Variants in SBF1 observed in about 807,000 individuals in gnomAD.
SBF1 encodes the protein SET binding factor 1.
SBF1 carries 65 observed loss-of-function variants against 215.8 expected under a neutral mutation model. The observed-to-expected ratio is 0.30, with a 90% CI of 0.25 to 0.37. The LOEUF is 0.37. Among genes scored for constraint, SBF1 ranks in the 10% least tolerant of loss-of-function variants. The pLI is 1.00. For synonymous variants in SBF1, 1,410 were observed against 1,122.8 expected, an observed-to-expected ratio of 1.26 and a Z score of -5.11; for missense variants, 2,634 against 2,667.8, an observed-to-expected ratio of 0.99 and a Z score of 0.28.
At position 50,460,051 on chromosome 22, in the gene SBF1, T is replaced by C; in HGVS notation, c.3392A>G (p.Gln1131Arg). ...LVERACCRDYQRLGLGTLSSS... is the reference protein window; with the variant it reads ...LVERACCRDYRRLGLGTLSSS... ...GCTCAGGGTGCCCAGACCGAGGCGC[T>C]GGTAGTCGCGACAGCAAGCCCTTTC... The change falls in exon 26 of 41, where the codon CAG becomes CGG. Residue 1131 changes from glutamine to arginine, a missense_variant. Transcript: ENST00000380817. The C allele has an allele frequency of 6.2e-7, 1 of 1,613,968 alleles. No homozygotes were observed. The highest frequency in any genetic ancestry group is 8.5e-7 in the Non-Finnish European group (1 of 1,179,966).
At position 50,460,681 on chromosome 22, in the gene SBF1, C is replaced by G. The variant is rs757426688; in HGVS notation, c.2999G>C (p.Gly1000Ala). The G allele has an allele frequency of 1.2e-6, 2 of 1,613,692 alleles. No homozygotes were observed. Among genetic ancestry groups the G allele is most frequent in the Middle Eastern group, 3.4e-4 (2 of 5,874 alleles). The part of the protein sequence containing the change: ...LLKMAFDEEV[G>A]SDSAELFRKQ... ...ACGGAAGAGCTCGGCGCTGTCAGAC[C>G]CCACCTCCTCGTCAAAGGCCATTTT... The change falls in exon 24 of 41, where the codon GGG becomes GCG. Residue 1000 changes from glycine (G) to alanine (A), a missense_variant. Coordinates refer to ENST00000380817, the MANE Select transcript of SBF1 (RefSeq NM_002972.4).
At chr22:50,453,022 C>G (rs2067109297) in intron 36 of SBF1, among the ~76,000 whole-genome samples, 1 of 151,740 alleles carries the variant, frequency 6.6e-6, no homozygotes, top group African/African-American at 2.4e-5. Flanking sequence ...AAAGAGAAAA[C>G]AAAGAGCAAG....
In SBF1 at chr22:50,460,423, A is replaced by T. The variant is rs770615760; in HGVS notation, c.3147-15T>A. 2 of 1,605,820 alleles carry T rather than the reference A, an allele frequency of 1.2e-6. No homozygotes were observed. The highest frequency in any genetic ancestry group is 1.1e-5 in the South Asian group (1 of 90,286). ...GGGACAGGGTTCTGAGGCCCACGAG[A>T]GTCAGCAAAGGTGAGAGGAGGAGGG... On this transcript the variant is annotated splice_polypyrimidine_tract_variant and intron_variant, in intron 24 of 40. Transcript: ENST00000380817.
In SBF1 at chr22:50,462,446, C is replaced by A. The variant is rs1439977513; in HGVS notation, c.2155G>T (p.Asp719Tyr). Residue 719 changes from aspartate (D) to tyrosine (Y), a missense_variant, in exon 19 of 41, where the codon GAC becomes TAC. Coordinates refer to ENST00000380817, the MANE Select transcript of SBF1 (RefSeq NM_002972.4). Reference sequence around the variant, plus strand: ...GCCACGTCTAGGGCAGAGCGCTCGTCCTCCTGGGAAGGTGCCTCCCCAACC... The same window carrying A: ...GCCACGTCTAGGGCAGAGCGCTCGTACTCCTGGGAAGGTGCCTCCCCAACC... ...QEVGEAPSQE[D>Y]ERSALDVASE... The A allele has an allele frequency of 6.2e-7, 1 of 1,613,898 alleles. No individual in the cohort carries two copies. Among genetic ancestry groups the A allele is most frequent in the Non-Finnish European group, 8.5e-7 (1 of 1,179,970 alleles).
intron 23 of SBF1, 102 bp downstream of exon 23, chr22:50,461,057 C>T: frequency 7.0e-7 from 1 of 1,429,584 alleles, no homozygotes; most frequent in Non-Finnish European, 9.3e-7. Flanking sequence ...AACAGGGCCA[C>T]TGCTGGAGAC....
In SBF1 at chr22:50,466,530, G is replaced by A. The variant is rs893611200; in HGVS notation, c.656-48C>T. The A allele has an allele frequency of 3.9e-6, 6 of 1,530,088 alleles. No individual in the cohort carries two copies. In the African/African-American group the frequency reaches 4.1e-5, roughly 11 times the overall value. 94.8% of individuals were successfully genotyped at this position (1,530,088 alleles called of 1,614,324 possible). A position where few individuals can be genotyped will look rare whatever the true frequency, so the allele number is the denominator to read the frequency against. On this transcript the variant is annotated intron_variant, in intron 6 of 40. Coordinates refer to ENST00000380817, the MANE Select transcript of SBF1 (RefSeq NM_002972.4). Reference sequence around the variant, plus strand: ...GAGAGGACCCTGGGCCCCCACCCAGGCAGAGTGAGAACCCACATCCCTAAC... The same window carrying A: ...GAGAGGACCCTGGGCCCCCACCCAGACAGAGTGAGAACCCACATCCCTAAC...
chr22:50,464,693 C>A lies in SBF1; in HGVS notation c.1477G>T (p.Gly493Cys), dbSNP rs373993266. The stretch of plus-strand genomic sequence containing the variant: ...ACCCGTCGCAGGTGGCTGCTCTCAC[C>A]GGGCCTCTGTACCTTGTGCATCGCC... ...AVAMHKVQRP[G>C]ESSHLRRVPR... Residue 493 changes from glycine (G) to cysteine (C), a missense_variant, in exon 14 of 41, where the codon GGT (glycine) becomes TGT (cysteine). By Grantham distance (159) the Gly-to-Cys change is radical. Coordinates refer to ENST00000380817, the MANE Select transcript of SBF1 (RefSeq NM_002972.4). The A allele has an allele frequency of 1.2e-6, 2 of 1,607,468 alleles. No individual in the cohort carries two copies. The highest frequency in any genetic ancestry group is 1.3e-5 in the African/African-American group (1 of 74,942).
chr22:50,464,922 C>A lies in SBF1; in HGVS notation c.1333-5G>T. The A allele has an allele frequency of 6.2e-7, 1 of 1,613,466 alleles. No individual in the cohort carries two copies. The highest frequency in any genetic ancestry group is 8.5e-7 in the Non-Finnish European group (1 of 1,179,902). ...TGCCACCTCGTGGGCCACCAGCTAG[C>A]GGGGTAAGCAGGAGGTTAGGTAAGC... is the stretch of plus-strand genomic sequence containing the variant. On this transcript the variant is annotated splice_region_variant and splice_polypyrimidine_tract_variant and intron_variant, in intron 12 of 40. Transcript: ENST00000380817.
Position 50,448,221 on chromosome 22 carries a change from G to C in SBF1, c.5363+12C>G. On this transcript the variant is annotated intron_variant, in intron 38 of 40. Coordinates refer to ENST00000380817, the MANE Select transcript of SBF1 (RefSeq NM_002972.4). Reference sequence around the variant, plus strand: ...AGAGGTGTCCATGTGGCAGTGGGAGGTGCCCTCATACCTGTTCTCACTCTC... The same window carrying C: ...AGAGGTGTCCATGTGGCAGTGGGAGCTGCCCTCATACCTGTTCTCACTCTC... The C allele has an allele frequency of 6.2e-7, 1 of 1,609,372 alleles. No homozygotes were observed. Among genetic ancestry groups the C allele is most frequent in the Non-Finnish European group, 8.5e-7 (1 of 1,178,926 alleles).
rs543362681 is a variant in SBF1, at chr22:50,456,874, C to T, written c.3904+160G>A. Among the ~76,000 whole-genome samples, 12 of 152,264 alleles carry T rather than the reference C, an allele frequency of 7.9e-5. No homozygotes were observed. In the South Asian group the frequency reaches 2.5e-3, roughly 32 times the overall value. On this transcript the variant is annotated intron_variant, in intron 29 of 40. Transcript: ENST00000380817. ...TGGCAGCCAGTGTTAGTTTCTAGGG[C>T]AGGACTCACGGGTCAGGGAGGTAAG...
At chr22:50,463,677 G>A (rs190641961) in intron 15 of SBF1, among the ~76,000 whole-genome samples, 3 of 152,384 alleles carry the variant, frequency 2.0e-5, no homozygotes, top group Non-Finnish European at 4.4e-5. Context: ...AGGGAGGTGC[G>A]CTCCGGAGGG....
chr22:50,449,114 G>A (rs1031060731), intron 36 of SBF1, among the ~76,000 whole-genome samples: 3 of 151,980 alleles, frequency 2.0e-5, no homozygotes, highest in Non-Finnish European at 4.4e-5. Context: ...GGAGGTTGCG[G>A]TGAGCCGAGA....
rs773921429 is a variant in SBF1, at chr22:50,474,798, G to A, written c.43C>T (p.Pro15Ser). ...CCTCGGCACTCACCGCGCGGGTGCG[G>A]CCCGAACGCCACCAGCACGAAGTAG... ...ADYFVLVAFGPHPRGSGEGQG... is the reference protein window; with the variant it reads ...ADYFVLVAFGSHPRGSGEGQG... The change falls in exon 1 of 41, where the codon CCG becomes TCG. Residue 15 changes from proline to serine, a missense_variant. Pro to Ser is a moderately conservative substitution (Grantham distance 74). Coordinates refer to ENST00000380817, the MANE Select transcript of SBF1 (RefSeq NM_002972.4). The A allele has an allele frequency of 3.4e-6, 5 of 1,459,690 alleles. No individual in the cohort carries two copies. The highest frequency in any genetic ancestry group is 3.6e-6 in the Non-Finnish European group (4 of 1,110,054). 90.4% of individuals were successfully genotyped at this position (1,459,690 alleles called of 1,614,324 possible). A position where few individuals can be genotyped will look rare whatever the true frequency, so the allele number is the denominator to read the frequency against.
Position 50,464,546 on chromosome 22 carries a change from C to T in SBF1, c.1624G>A (p.Gly542Arg). 1.9e-6 allele frequency: 3 copies of T among 1,610,770 alleles called. No homozygotes were observed. Among genetic ancestry groups the T allele is most frequent in the Non-Finnish European group, 2.5e-6 (3 of 1,178,706 alleles). The change falls in exon 14 of 41, where the codon GGG (glycine) becomes AGG (arginine). Residue 542 changes from glycine to arginine, a missense_variant. Physicochemically the swap from Gly to Arg is moderately radical, Grantham distance 125. Transcript: ENST00000380817. ...KAERRTTVPS[G>R]PPMTAILERC... is the part of the protein sequence containing the mutation. Reference sequence around the variant, plus strand: ...CCTCATTACGCACTCATGGGGGGCCCTGAGGGCACGGTGGTCCTCCTCTCG... The same window carrying T: ...CCTCATTACGCACTCATGGGGGGCCTTGAGGGCACGGTGGTCCTCCTCTCG...
rs536617059 is a variant in SBF1, at chr22:50,449,388, G to A, written c.5044-738C>T. Among the ~76,000 whole-genome samples, 169 of 152,184 alleles carry A rather than the reference G, an allele frequency of 1.1e-3. 1 individual carries two copies. Among genetic ancestry groups the A allele is most frequent in the South Asian group, 9.5e-3 (46 of 4,818 alleles). On this transcript the variant is annotated intron_variant, in intron 36 of 40. Transcript: ENST00000380817. ...TCCCAGCACTTTGGGTGGCCGAGGC[G>A]GGTGGATCACGAGGTCAGGAGTTCA...
chr22:50,471,200 C>G (rs1170541614), intron 1 of SBF1, among the ~76,000 whole-genome samples: 2 of 152,248 alleles, frequency 1.3e-5, no homozygotes, highest in Non-Finnish European at 2.9e-5. Context: ...CCACCTCCAC[C>G]TCTGAACATG....
At chr22:50,470,923 C>T (rs1262402854) in intron 1 of SBF1, among the ~76,000 whole-genome samples, 4 of 152,188 alleles carry the variant, frequency 2.6e-5, no homozygotes, top group Admixed American at 6.5e-5. Flanking sequence ...TCCCAGCCTG[C>T]ACCTCAGCTC....
At position 50,464,457 on chromosome 22, in the gene SBF1, A is replaced by G; in HGVS notation, c.1637-16T>C. 1 of 1,610,576 alleles carries G rather than the reference A, an allele frequency of 6.2e-7. No individual in the cohort carries two copies. The highest frequency in any genetic ancestry group is 8.5e-7 in the Non-Finnish European group (1 of 1,177,604). On this transcript the variant is annotated splice_polypyrimidine_tract_variant and intron_variant, in intron 14 of 40. Coordinates refer to ENST00000380817, the MANE Select transcript of SBF1 (RefSeq NM_002972.4). Reference sequence around the variant, plus strand: ...AGTATGGCAGCTGCGGGGACAGAATACACACACTCGGACCCCTGACCCCAC... The same window carrying G: ...AGTATGGCAGCTGCGGGGACAGAATGCACACACTCGGACCCCTGACCCCAC...
At chr22:50,448,522 C>T in intron 37 of SBF1, 21 bp downstream of exon 37, 1 of 1,610,922 alleles carries the variant, frequency 6.2e-7, no homozygotes, top group African/African-American at 1.3e-5. Flanking sequence ...ACCGTGGACG[C>T]TCACACTGGC....
Sources: allele counts gnomAD v4.1 joint callset (sites outside exome capture counted in the v4.1 genomes callset), GRCh38; gene constraint gnomAD v4.1.1; transcripts MANE v1.5; gene names NCBI Gene and HGNC (gene_info 2026-07-23, HGNC 2026-07-21).